Variants in PAFAH1B2 observed in about 807,000 individuals in gnomAD.
PAFAH1B2 encodes platelet activating factor acetylhydrolase 1b catalytic subunit 2.
In PAFAH1B2, 8 loss-of-function variants were observed where a neutral mutation model predicts 28.0. The ratio of observed to expected loss-of-function variants is 0.29; its 90% CI spans 0.17 to 0.52. The LOEUF is 0.52. Among genes scored for constraint, PAFAH1B2 ranks in the 20% least tolerant of loss-of-function variants. The pLI is 0.97. For synonymous variants in PAFAH1B2, 104 were observed against 103.2 expected (o/e 1.01, Z -0.05); for missense variants, 190 against 282.6 (o/e 0.67, Z 2.35).
intron 1 of PAFAH1B2, among the ~76,000 whole-genome samples, chr11:117,149,710 G>T (rs1194725525): frequency 1.3e-5 from 2 of 151,918 alleles, no homozygotes; most frequent in Non-Finnish European, 2.9e-5. Flanking sequence ...GGGATTACAG[G>T]TGTGAGCCAC....
chr11:117,172,756 T>A (rs2134233770), downstream of PAFAH1B2, among the ~76,000 whole-genome samples: 1 of 152,294 alleles, frequency 6.6e-6, no homozygotes, highest in South Asian at 2.1e-4. Flanking sequence ...CAGGCTGGAG[T>A]GCAGTGGTGC....
rs1370758070 is a variant in PAFAH1B2, at chr11:117,168,168, T to C, written c.*469T>C. 1.9e-6 allele frequency: 2 copies of C among 1,049,442 alleles called. No individual in the cohort carries two copies. Among genetic ancestry groups the C allele is most frequent in the East Asian group, 5.2e-5 (1 of 19,074 alleles). 65.0% of individuals were successfully genotyped at this position (1,049,442 alleles called of 1,614,324 possible). A position where few individuals can be genotyped will look rare whatever the true frequency, so the allele number is the denominator to read the frequency against. On this transcript the variant is annotated 3_prime_UTR_variant, in exon 6 of 6. Transcript: ENST00000527958. ...TTTGTTTTTATGTTGCTTAGATTCT[T>C]ATGTATACTGAATATTTTATTAACA...
intron 4 of PAFAH1B2, among the ~76,000 whole-genome samples, chr11:117,162,103 A>G (rs1956386719): frequency 6.6e-6 from 1 of 152,176 alleles, no homozygotes; most frequent in Non-Finnish European, 1.5e-5. Flanking sequence ...CCAAAAAAGA[A>G]CAAAAACTGA....
chr11:117,144,923 A>T (rs1209429835), intron 1 of PAFAH1B2, among the ~76,000 whole-genome samples: 1 of 152,162 alleles, frequency 6.6e-6, no homozygotes, highest in African/African-American at 2.4e-5. Context: ...GGCCAAAACC[A>T]GTTACTCCGT....
intron 4 of PAFAH1B2, among the ~76,000 whole-genome samples, chr11:117,161,591 C>G (rs1956372432): frequency 6.6e-6 from 1 of 151,546 alleles, no homozygotes; most frequent in Admixed American, 6.6e-5. Flanking sequence ...TCACTGCAAC[C>G]TCCGCCTCCT....
In PAFAH1B2 at chr11:117,170,515, A is replaced by G. The variant is rs193148674; in HGVS notation, c.*2816A>G. On this transcript the variant is annotated 3_prime_UTR_variant, in exon 6 of 6. Coordinates refer to ENST00000527958, the MANE Select transcript of PAFAH1B2 (RefSeq NM_002572.4). ...GCGCTCTGGCTACCACCGTGAGGCT[A>G]CTTGAACTGTCAGGGGCATCTGCCT... 2.8e-6 allele frequency: 3 copies of G among 1,058,776 alleles called. No individual in the cohort carries two copies. The highest frequency in any genetic ancestry group is 3.4e-6 in the Non-Finnish European group (3 of 875,634). The allele number at this position is 1,058,776 out of a possible 1,614,324, so 65.6% of individuals were successfully genotyped here.
chr11:117,169,681 T>C lies in PAFAH1B2; in HGVS notation c.*1982T>C. ...CCACATGGTGTTTACTAAACTTGTTTACGACATTAAAAATTTCCTTTTTAT... is the reference window on the plus strand; with the variant it reads ...CCACATGGTGTTTACTAAACTTGTTCACGACATTAAAAATTTCCTTTTTAT... On this transcript the variant is annotated 3_prime_UTR_variant, in exon 6 of 6. Coordinates refer to ENST00000527958, the MANE Select transcript of PAFAH1B2 (RefSeq NM_002572.4). 1 of 1,055,880 alleles carries C rather than the reference T, an allele frequency of 9.5e-7. No homozygotes were observed. The highest frequency in any genetic ancestry group is 4.6e-5 in the South Asian group (1 of 21,878). The allele number at this position is 1,055,880 out of a possible 1,614,324, so 65.4% of individuals were successfully genotyped here. A position where few individuals can be genotyped will look rare whatever the true frequency, so the allele number is the denominator to read the frequency against.
intron 2 of PAFAH1B2, among the ~76,000 whole-genome samples, chr11:117,157,245 AAGAG>A (rs1228790367): frequency 6.6e-6 from 1 of 151,912 alleles, no homozygotes; most frequent in African/African-American, 2.4e-5. Flanking sequence ...CTGTCACCCT[AAGAG>A]AGGAAGTGTT....
rs758077782 is a variant in PAFAH1B2 at position 117,160,009 on chromosome 11, A to C, written c.157A>C (p.Met53Leu). ...LFVGDSMVQL[M>L]QQYEIWRELF... The stretch of plus-strand genomic sequence containing the variant: ...CGTGGGAGACTCCATGGTGCAGTTA[A>C]TGCAGCAATATGAGGTAAAGGTGGA... The change falls in exon 3 of 6, where the codon ATG (methionine) becomes CTG (leucine). Residue 53 changes from methionine (M) to leucine (L), a missense_variant. Physicochemically the swap from Met to Leu is conservative, Grantham distance 15. Coordinates refer to ENST00000527958, the MANE Select transcript of PAFAH1B2 (RefSeq NM_002572.4). 9.9e-6 allele frequency: 16 copies of C among 1,611,322 alleles called. No individual in the cohort carries two copies. Among genetic ancestry groups the C allele is most frequent in the Non-Finnish European group, 2.5e-6 (3 of 1,177,412 alleles).
Position 117,169,613 on chromosome 11 carries a change from A to C in PAFAH1B2, c.*1914A>C. 9.5e-7 allele frequency: 1 copy of C among 1,051,630 alleles called. No individual in the cohort carries two copies. The highest frequency in any genetic ancestry group is 1.1e-6 in the Non-Finnish European group (1 of 869,822). The allele number at this position is 1,051,630 out of a possible 1,614,324, so 65.1% of individuals were successfully genotyped here. ...TGGTTTTGTTCTTTTTAAAAAATAC[A>C]TACTTTTTTGAATGTATCATGTCTT... On this transcript the variant is annotated 3_prime_UTR_variant, in exon 6 of 6. Transcript: ENST00000527958.
intron 4 of PAFAH1B2, 27 bp downstream of exon 4, chr11:117,161,288 C>T: frequency 1.5e-6 from 2 of 1,327,554 alleles, no homozygotes; most frequent in Middle Eastern, 1.9e-4. Context: ...TTGTCAATGT[C>T]ATTAATCTTA....
At chr11:117,175,885 G>C (rs1226781303), downstream of PAFAH1B2, 7 of 1,534,986 alleles carry the variant, frequency 4.6e-6, no homozygotes, top group Non-Finnish European at 6.1e-6. Flanking sequence ...AATGTATCAC[G>C]AGTGTTTCTT....
chr11:117,174,428 C>G (rs1459952944), downstream of PAFAH1B2, among the ~76,000 whole-genome samples: 1 of 150,772 alleles, frequency 6.6e-6, no homozygotes, highest in African/African-American at 2.4e-5. Flanking sequence ...AGGTGATCCA[C>G]CCACCTCAGC....
chr11:117,150,797 C>G (rs2134172874), intron 1 of PAFAH1B2, among the ~76,000 whole-genome samples: 1 of 152,146 alleles, frequency 6.6e-6, no homozygotes, highest in East Asian at 1.9e-4. Context: ...ACCGTCCTGG[C>G]TAACACGGTG....
intron 2 of PAFAH1B2, chr11:117,159,660 CT>C: frequency 6.1e-6 from 2 of 330,358 alleles, no homozygotes; most frequent in East Asian, 1.0e-4. Flanking sequence ...ACTTGAGCCC[CT>C]GAAGCAGAAG....
downstream of PAFAH1B2, chr11:117,171,799 C>CT (rs1353727417): frequency 3.6e-6 from 5 of 1,388,914 alleles, no homozygotes; most frequent in Non-Finnish European, 4.9e-6. Context: ...TTTCTGTGAT[C>CT]TTTGTATCAT....
chr11:117,176,874 CAA>C (rs752743062), downstream of PAFAH1B2: 56 of 53,292 alleles, frequency 1.1e-3, no homozygotes, highest in African/African-American at 1.4e-3. Context: ...GACTCCATCT[CAA>C]AAAAAAAAAA....
rs974699094 is a variant in PAFAH1B2, at chr11:117,149,513, G to A, written c.-7-2928G>A. Among the ~76,000 whole-genome samples the A allele has an allele frequency of 1.0e-4, 13 of 130,264 alleles. 1 individual carries two copies. The highest frequency in any genetic ancestry group is 1.6e-4 in the Non-Finnish European group (10 of 64,248). The allele number at this position is 130,264 out of a possible 152,430, so 85.5% of individuals were successfully genotyped here. On this transcript the variant is annotated intron_variant, in intron 1 of 5. Transcript: ENST00000527958. ...ACGATCTCGGCTTACTGCAAGCTCG[G>A]CCTCCCAGGTTCACGCCATTCTCCT...
intron 4 of PAFAH1B2, among the ~76,000 whole-genome samples, chr11:117,162,794 G>A (rs1006876073): frequency 1.3e-5 from 2 of 151,744 alleles, no homozygotes; most frequent in African/African-American, 4.8e-5. Context: ...GTTGCATCCA[G>A]CCTCCACCTC....
Sources: allele counts gnomAD v4.1 joint callset (sites outside exome capture counted in the v4.1 genomes callset), GRCh38; gene constraint gnomAD v4.1.1; transcripts MANE v1.5; gene names NCBI Gene and HGNC (gene_info 2026-07-23, HGNC 2026-07-21).